WWP2: variants seen among roughly 807,000 people sequenced by gnomAD.
WWP2 encodes the protein NEDD4-like E3 ubiquitin-protein ligase WWP2.
In WWP2, 57 loss-of-function variants were observed where a neutral mutation model predicts 121.0. The observed-to-expected ratio is 0.47, with a 90% CI of 0.38 to 0.59. The LOEUF is 0.59. WWP2 is among the 20% of genes least tolerant of loss of function. The pLI, the probability that WWP2 is intolerant of heterozygous loss-of-function variation, is 0.00. For missense variants in WWP2, 962 were observed against 1,158.9 expected (o/e 0.83, Z 2.47); for synonymous variants, 449 against 441.3 (o/e 1.02, Z -0.22).
At chr16:69,816,737 G>A (rs2151838641) in intron 4 of WWP2, among the ~76,000 whole-genome samples, 1 of 151,592 alleles carries the variant, frequency 6.6e-6, no homozygotes. Flanking sequence ...ACATGCACAC[G>A]TATACATATA....
At chr16:69,879,973 C>G (rs1010323509) in intron 7 of WWP2, among the ~76,000 whole-genome samples, 4 of 151,430 alleles carry the variant, frequency 2.6e-5, no homozygotes, top group African/African-American at 4.8e-5. Context: ...TGTAAAAGTT[C>G]TTATCTATAA....
intron 8 of WWP2, among the ~76,000 whole-genome samples, chr16:69,908,333 A>C (rs1597143840): frequency 6.6e-6 from 1 of 152,324 alleles, no homozygotes; most frequent in East Asian, 1.9e-4. Flanking sequence ...GATCTTGTGG[A>C]GGGGTCTATG....
chr16:69,815,013 T>G (rs999061507), intron 4 of WWP2, among the ~76,000 whole-genome samples: 5 of 152,098 alleles, frequency 3.3e-5, no homozygotes, highest in African/African-American at 7.2e-5. Flanking sequence ...TATTTTTATT[T>G]TTTTGAGATG....
chr16:69,785,520 A>T (rs2055767368), intron 1 of WWP2, among the ~76,000 whole-genome samples: 1 of 152,180 alleles, frequency 6.6e-6, no homozygotes, highest in African/African-American at 2.4e-5. Flanking sequence ...AAATGATGAT[A>T]TTCCAAAATC....
chr16:69,816,429 AT>A (rs933526138), intron 4 of WWP2, among the ~76,000 whole-genome samples: 4 of 148,700 alleles, frequency 2.7e-5, no homozygotes, highest in African/African-American at 7.3e-5. Context: ...TTAAAAAAAA[AT>A]CTATATCTAT....
At chr16:69,776,550 C>A (rs1378583546) in intron 1 of WWP2, among the ~76,000 whole-genome samples, 1 of 152,138 alleles carries the variant, frequency 6.6e-6, no homozygotes, top group Non-Finnish European at 1.5e-5. Flanking sequence ...TGATAATAGG[C>A]CGGGCGCAGT....
chr16:69,824,116 A>G (rs2056641211), intron 4 of WWP2, among the ~76,000 whole-genome samples: 1 of 152,328 alleles, frequency 6.6e-6, no homozygotes, highest in Middle Eastern at 3.4e-3. Context: ...CGCACCAGTC[A>G]TTCGGGCGGC....
intron 7 of WWP2, among the ~76,000 whole-genome samples, chr16:69,883,122 C>T (rs1384873721): frequency 6.7e-6 from 1 of 150,008 alleles, no homozygotes; most frequent in Non-Finnish European, 1.5e-5. Flanking sequence ...CACTGCACTC[C>T]AGTTTGGGTG....
At chr16:69,781,050 G>A (rs4580150) in intron 1 of WWP2, among the ~76,000 whole-genome samples, 40,062 of 151,562 alleles carry the variant, frequency 0.26, 5,764 homozygotes, top group East Asian at 0.4. Flanking sequence ...TGGTCCTGTG[G>A]TAGTGGGTTA....
At position 69,931,402 on chromosome 16, in the gene WWP2, C is replaced by G. The variant is rs1189601331; in HGVS notation, c.1522-107C>G. 15 of 1,511,192 alleles carry G rather than the reference C, an allele frequency of 9.9e-6. No homozygotes were observed. The African/African-American group carries it at 1.5e-4, about 15-fold the overall frequency. 93.6% of individuals were successfully genotyped at this position (1,511,192 alleles called of 1,614,324 possible). ...CTAGTTTTCATTCCTAGGGCACATG[C>G]TATTGCCTCCTGGCCCAGCAGGCTG... On this transcript the variant is annotated intron_variant, in intron 14 of 23. Transcript: ENST00000359154.
intron 5 of WWP2, 67 bp downstream of exon 5, chr16:69,840,330 G>T: frequency 6.2e-7 from 1 of 1,600,482 alleles, no homozygotes; most frequent in Non-Finnish European, 8.5e-7. Flanking sequence ...GCCAGGAGGT[G>T]CTGAGAGCTT....
chr16:69,940,294 C>T lies in WWP2; in HGVS notation c.*354C>T, dbSNP rs1461340728. 2 of 244,388 alleles carry T rather than the reference C, an allele frequency of 8.2e-6. No individual in the cohort carries two copies. The highest frequency in any genetic ancestry group is 2.2e-5 in the African/African-American group (1 of 44,960). 15.1% of individuals were successfully genotyped at this position (244,388 alleles called of 1,614,324 possible). A position where few individuals can be genotyped will look rare whatever the true frequency, so the allele number is the denominator to read the frequency against. ...CATCCCCAGGGGCTGCCGCAGAGGC[C>T]GGAGACCTCCTGGACTAGTTCGGCG... On this transcript the variant is annotated 3_prime_UTR_variant, in exon 24 of 24. Coordinates refer to ENST00000359154, the MANE Select transcript of WWP2 (RefSeq NM_001270454.2).
At chr16:69,804,497 A>G (rs532608597) in intron 4 of WWP2, among the ~76,000 whole-genome samples, 3 of 152,320 alleles carry the variant, frequency 2.0e-5, no homozygotes, top group East Asian at 3.9e-4. Context: ...TATTAAAAAC[A>G]TATGTGTATT....
At chr16:69,842,336 G>A (rs1255028743) in intron 6 of WWP2, among the ~76,000 whole-genome samples, 2 of 151,750 alleles carry the variant, frequency 1.3e-5, no homozygotes, top group Non-Finnish European at 2.9e-5. Context: ...TTTAATTTTT[G>A]TTTTTATTTT....
chr16:69,780,890 T>C (rs1278267323), intron 1 of WWP2, among the ~76,000 whole-genome samples: 2 of 152,006 alleles, frequency 1.3e-5, no homozygotes, highest in Non-Finnish European at 2.9e-5. Flanking sequence ...CAGCTGGATG[T>C]GGTGGCAAAT....
intron 4 of WWP2, among the ~76,000 whole-genome samples, chr16:69,811,232 T>C (rs1339525825): frequency 6.6e-6 from 1 of 152,166 alleles, no homozygotes. Flanking sequence ...CTGCAGACTT[T>C]GGCTTTCCCA....
chr16:69,826,404 A>G (rs2056690614), intron 4 of WWP2, among the ~76,000 whole-genome samples: 1 of 150,606 alleles, frequency 6.6e-6, no homozygotes, highest in East Asian at 2.0e-4. Flanking sequence ...TGTCTCTACT[A>G]AAAATACACA....
At chr16:69,804,511 G>A (rs2056235824) in intron 4 of WWP2, among the ~76,000 whole-genome samples, 1 of 152,100 alleles carries the variant, frequency 6.6e-6, no homozygotes, top group African/African-American at 2.4e-5. Context: ...GTGTATTTGG[G>A]CCTGCTTAGG....
chr16:69,819,648 T>C (rs944448654), intron 4 of WWP2, among the ~76,000 whole-genome samples: 1 of 152,182 alleles, frequency 6.6e-6, no homozygotes, highest in African/African-American at 2.4e-5. Flanking sequence ...CCCCAAGCAA[T>C]CTTCCTGCCT....
Sources: allele counts gnomAD v4.1 joint callset (sites outside exome capture counted in the v4.1 genomes callset), GRCh38; gene constraint gnomAD v4.1.1; transcripts MANE v1.5; gene names NCBI Gene and HGNC (gene_info 2026-07-23, HGNC 2026-07-21).